Variants in AP2A2 observed in about 807,000 individuals in gnomAD.
AP2A2 encodes the protein adaptor related protein complex 2 subunit alpha 2, also known as AP-2 complex subunit alpha-2.
A neutral mutation model predicts 104.2 loss-of-function variants in AP2A2; 32 were observed. The ratio of observed to expected loss-of-function variants is 0.31; its 90% CI spans 0.23 to 0.41. The LOEUF (loss-of-function observed/expected upper bound fraction) is 0.41, where lower values mean the gene tolerates loss of function less well. AP2A2 is among the 10% of genes least tolerant of loss of function. AP2A2 has a pLI of 1.00. For missense variants in AP2A2, 912 were observed against 1,261.0 expected, an observed-to-expected ratio of 0.72 and a Z score of 4.19; for synonymous variants, 539 against 533.3, an observed-to-expected ratio of 1.01 and a Z score of -0.15.
chr11:947,576 A>G (rs1484040695), intron 1 of AP2A2, among the ~76,000 whole-genome samples: 1 of 151,836 alleles, frequency 6.6e-6, no homozygotes, highest in Non-Finnish European at 1.5e-5. Flanking sequence ...TGGGCGGATC[A>G]CTTGAGGTTG....
intron 1 of AP2A2, among the ~76,000 whole-genome samples, chr11:953,820 TTCTC>T (rs1854136299): frequency 6.6e-6 from 1 of 151,566 alleles, no homozygotes; most frequent in Admixed American, 6.6e-5. Flanking sequence ...GACACTACTC[TTCTC>T]TCTACCTTCT....
chr11:962,895 CA>C (rs1854489696), intron 2 of AP2A2, among the ~76,000 whole-genome samples: 1 of 152,016 alleles, frequency 6.6e-6, no homozygotes. Flanking sequence ...TGGCAGCAGA[CA>C]TAGAAGAAAA....
chr11:977,293 C>T, intron 5 of AP2A2, 69 bp downstream of exon 5: 1 of 1,510,518 alleles, frequency 6.6e-7, no homozygotes, highest in Non-Finnish European at 8.9e-7. Context: ...TGTGAAGACA[C>T]CATGGTGCGC....
intron 14 of AP2A2, 145 bp from the exon 15 acceptor site, chr11:1,000,287 C>G: frequency 2.8e-6 from 2 of 723,424 alleles, no homozygotes; most frequent in South Asian, 1.8e-5. Flanking sequence ...TGGTCACTCA[C>G]TGAGTTGTGT....
chr11:969,855 G>C lies in AP2A2; in HGVS notation c.137-314G>C, dbSNP rs570111683. Among the ~76,000 whole-genome samples the C allele has an allele frequency of 5.9e-5, 9 of 152,342 alleles. No homozygotes were observed. In the East Asian group the frequency reaches 1.7e-3, roughly 29 times the overall value. ...GCCCTCTGTGGGATTTTGGCTGGTCGGAGTGAGGCCCTGTGAGGGCCAGCT... is the reference window on the plus strand; with the variant it reads ...GCCCTCTGTGGGATTTTGGCTGGTCCGAGTGAGGCCCTGTGAGGGCCAGCT... On this transcript the variant is annotated intron_variant, in intron 2 of 21. Coordinates refer to ENST00000448903, the MANE Select transcript of AP2A2 (RefSeq NM_012305.4).
At chr11:954,853 C>T (rs143601747) in intron 1 of AP2A2, among the ~76,000 whole-genome samples, 1 of 152,260 alleles carries the variant, frequency 6.6e-6, no homozygotes, top group African/African-American at 2.4e-5. Flanking sequence ...CCTGTTTCTC[C>T]TGGTGGTTAC....
At chr11:981,746 G>A (rs1231576948) in intron 6 of AP2A2, among the ~76,000 whole-genome samples, 4 of 152,248 alleles carry the variant, frequency 2.6e-5, no homozygotes, top group Non-Finnish European at 5.9e-5. Flanking sequence ...TCATAGAATT[G>A]GTTGTGTGAA....
At chr11:995,282 A>T in intron 14 of AP2A2, 1 of 455,662 alleles carries the variant, frequency 2.2e-6, no homozygotes, top group South Asian at 1.5e-5. Context: ...TTTTCCTTGT[A>T]TGTGTGATGC....
At chr11:986,731 GT>G in intron 8 of AP2A2, 53 bp from the exon 9 acceptor site, 2 of 1,589,950 alleles carry the variant, frequency 1.3e-6, no homozygotes, top group Non-Finnish European at 1.7e-6. Flanking sequence ...ACTCTGTCCA[GT>G]TTGTGTTGCA....
intron 1 of AP2A2, among the ~76,000 whole-genome samples, chr11:947,836 T>C (rs941327007): frequency 2.0e-5 from 3 of 152,130 alleles, no homozygotes; most frequent in African/African-American, 7.2e-5. Flanking sequence ...TGTGCCCTTA[T>C]AGTCCCAGTT....
Position 925,940 on chromosome 11 carries a change from C to T in AP2A2, c.-82C>T. The T allele has an allele frequency of 1.8e-6, 2 of 1,112,652 alleles. No individual in the cohort carries two copies. Among genetic ancestry groups the T allele is most frequent in the Non-Finnish European group, 2.4e-6 (2 of 846,134 alleles). 68.9% of individuals were successfully genotyped at this position (1,112,652 alleles called of 1,614,324 possible). On this transcript the variant is annotated 5_prime_UTR_variant, in exon 1 of 22. It adds an upstream start codon to the 5' untranslated region. Coordinates refer to ENST00000448903, the MANE Select transcript of AP2A2 (RefSeq NM_012305.4). ...CCCGGCGGCTCCTCCGCGGCGGTGA[C>T]GGCGACCGCACTCCCCGCTTCCCGC...
intron 1 of AP2A2, among the ~76,000 whole-genome samples, chr11:930,076 G>C (rs1365397181): frequency 3.4e-5 from 5 of 146,292 alleles, no homozygotes; most frequent in African/African-American, 1.0e-4. Flanking sequence ...AGCTGAGATT[G>C]TGCCATTGCA....
At chr11:937,439 T>A (rs772638656) in intron 1 of AP2A2, among the ~76,000 whole-genome samples, 4 of 152,084 alleles carry the variant, frequency 2.6e-5, no homozygotes, top group Non-Finnish European at 4.4e-5. Context: ...TTGAACAGTA[T>A]CTTTTAAAAG....
At chr11:940,800 T>G in intron 1 of AP2A2, 1 of 456,290 alleles carries the variant, frequency 2.2e-6, no homozygotes, top group Non-Finnish European at 4.4e-6. Context: ...CTGAAGGGCT[T>G]TGGCAGGGGC....
At chr11:939,433 C>T (rs913479554) in intron 1 of AP2A2, among the ~76,000 whole-genome samples, 2 of 151,906 alleles carry the variant, frequency 1.3e-5, no homozygotes, top group Non-Finnish European at 2.9e-5. Flanking sequence ...GTTCTTTCCC[C>T]CATTTAGTCA....
chr11:985,242 C>T, intron 7 of AP2A2, 193 bp from the exon 8 acceptor site: 1 of 706,592 alleles, frequency 1.4e-6, no homozygotes. Context: ...CTCGGCCTCC[C>T]AAAGTGCTGG....
chr11:962,353 A>C (rs544850387), intron 2 of AP2A2, among the ~76,000 whole-genome samples: 1 of 152,356 alleles, frequency 6.6e-6, no homozygotes, highest in African/African-American at 2.4e-5. Flanking sequence ...TGAAGATGAA[A>C]TTCGAATGGG....
intron 14 of AP2A2, among the ~76,000 whole-genome samples, chr11:996,588 G>T (rs7480376): frequency 6.6e-6 from 1 of 152,190 alleles, no homozygotes; most frequent in African/African-American, 2.4e-5. Flanking sequence ...GGCCTTGACT[G>T]TGTGGCTTAG....
intron 18 of AP2A2, chr11:1,008,880 C>T (rs887454743): frequency 1.0e-5 from 6 of 575,162 alleles, no homozygotes; most frequent in East Asian, 5.6e-5. Flanking sequence ...GGCACAGGGA[C>T]GTCCTGCCTG....
Sources: allele counts gnomAD v4.1 joint callset (sites outside exome capture counted in the v4.1 genomes callset), GRCh38; gene constraint gnomAD v4.1.1; transcripts MANE v1.5; gene names NCBI Gene and HGNC (gene_info 2026-07-23, HGNC 2026-07-21).